The following RBMS3 variants were observed in gnomAD, a reference collection of about 807,000 sequenced individuals.
The protein encoded by RBMS3 is RNA-binding motif, single-stranded-interacting protein 3.
A neutral mutation model predicts 66.8 loss-of-function variants in RBMS3; 27 were observed. The observed-to-expected ratio is 0.40, with a 90% CI of 0.30 to 0.56. The LOEUF (loss-of-function observed/expected upper bound fraction) is 0.56. RBMS3 is among the 20% of genes least tolerant of loss of function. The pLI is 0.40. For missense variants in RBMS3, 513 were observed against 549.5 expected (o/e 0.93, Z 0.66); for synonymous variants, 188 against 183.0 (o/e 1.03, Z -0.22).
chr3:29,823,380 A>C (rs1295896117), intron 6 of RBMS3, among the ~76,000 whole-genome samples: 1 of 152,174 alleles, frequency 6.6e-6, no homozygotes, highest in African/African-American at 2.4e-5. Flanking sequence ...TGTGAGATTC[A>C]CCCATACTAA....
chr3:29,702,880 G>A (rs1474619163), intron 4 of RBMS3, among the ~76,000 whole-genome samples: 1 of 152,112 alleles, frequency 6.6e-6, no homozygotes, highest in Non-Finnish European at 1.5e-5. Context: ...GAGGGTCCGC[G>A]GCTTCATTCT....
intron 10 of RBMS3, among the ~76,000 whole-genome samples, chr3:29,900,898 C>T (rs188089914): frequency 1.3e-5 from 2 of 151,784 alleles, no homozygotes; most frequent in East Asian, 2.0e-4. Flanking sequence ...GAGCTAAATA[C>T]GCAGACATCC....
chr3:29,558,125 A>G (rs1303181238), intron 3 of RBMS3, among the ~76,000 whole-genome samples: 1 of 152,180 alleles, frequency 6.6e-6, no homozygotes, highest in Admixed American at 6.5e-5. Flanking sequence ...ATTCAAAATT[A>G]AAACCATTTT....
chr3:29,485,962 T>A (rs1489396525), intron 2 of RBMS3, among the ~76,000 whole-genome samples: 1 of 152,062 alleles, frequency 6.6e-6, no homozygotes, highest in Non-Finnish European at 1.5e-5. Flanking sequence ...AAGGCATACT[T>A]TTTTACTTCA....
intron 6 of RBMS3, among the ~76,000 whole-genome samples, chr3:29,852,383 A>C (rs953416204): frequency 7.9e-5 from 12 of 152,246 alleles, no homozygotes; most frequent in Admixed American, 5.9e-4. Context: ...GACAACCTAC[A>C]GAATAGGAGA....
At chr3:29,430,967 C>T (rs886861537) in intron 1 of RBMS3, among the ~76,000 whole-genome samples, 4 of 152,138 alleles carry the variant, frequency 2.6e-5, no homozygotes, top group East Asian at 1.9e-4. Flanking sequence ...GAAGCCACCT[C>T]GGCAAGCATG....
At chr3:29,907,774 A>T (rs1416709986) in intron 10 of RBMS3, among the ~76,000 whole-genome samples, 1 of 152,108 alleles carries the variant, frequency 6.6e-6, no homozygotes, top group African/African-American at 2.4e-5. Context: ...TAATTGCAGA[A>T]ACAATTTTAA....
chr3:29,532,527 C>A (rs1254687585), intron 3 of RBMS3, among the ~76,000 whole-genome samples: 2 of 151,468 alleles, frequency 1.3e-5, no homozygotes, highest in South Asian at 2.1e-4. Flanking sequence ...TGTGCAAGAC[C>A]AGCCTGCAAA....
intron 3 of RBMS3, among the ~76,000 whole-genome samples, chr3:29,494,044 T>C (rs970630729): frequency 1.6e-4 from 25 of 152,216 alleles, no homozygotes. Context: ...ACTGAAGGAT[T>C]TGTTTATTTT....
At chr3:29,597,243 A>C (rs535381479) in intron 4 of RBMS3, among the ~76,000 whole-genome samples, 1 of 152,324 alleles carries the variant, frequency 6.6e-6, no homozygotes, top group Non-Finnish European at 1.5e-5. Flanking sequence ...TCCATGGAAT[A>C]ACACAATAAC....
At chr3:29,779,180 G>T (rs547195648) in intron 6 of RBMS3, among the ~76,000 whole-genome samples, 1 of 151,718 alleles carries the variant, frequency 6.6e-6, no homozygotes, top group East Asian at 1.9e-4. Context: ...TGGTTCTTTT[G>T]TTTTAAAGGA....
chr3:29,993,438 TTGAC>T (rs1699012353), intron 14 of RBMS3, among the ~76,000 whole-genome samples: 1 of 152,138 alleles, frequency 6.6e-6, no homozygotes, highest in South Asian at 2.1e-4. Flanking sequence ...ATGTGACCAT[TTGAC>T]TGAGCCACAG....
intron 1 of RBMS3, among the ~76,000 whole-genome samples, chr3:29,412,322 T>C (rs986564609): frequency 1.3e-5 from 2 of 152,212 alleles, no homozygotes; most frequent in Admixed American, 1.3e-4. Context: ...TGGTTTTGTC[T>C]GTAAGCAGTA....
chr3:29,337,781 A>G (rs950539043), intron 1 of RBMS3, among the ~76,000 whole-genome samples: 1 of 152,206 alleles, frequency 6.6e-6, no homozygotes, highest in South Asian at 2.1e-4. Flanking sequence ...CAAATAAAAA[A>G]CAACCTTACA....
At chr3:29,956,997 A>C (rs1431615920) in intron 12 of RBMS3, among the ~76,000 whole-genome samples, 1 of 152,132 alleles carries the variant, frequency 6.6e-6, no homozygotes, top group African/African-American at 2.4e-5. Context: ...AAGTGGGAGT[A>C]GATAAACATG....
At chr3:29,470,393 A>G (rs1321768873) in intron 2 of RBMS3, among the ~76,000 whole-genome samples, 2 of 152,068 alleles carry the variant, frequency 1.3e-5, no homozygotes, top group African/African-American at 4.8e-5. Context: ...ACATGTAGTG[A>G]ATGAATTCTT....
intron 9 of RBMS3, 70 bp from the exon 10 acceptor site, chr3:29,899,635 C>A: frequency 1.4e-6 from 2 of 1,402,216 alleles, no homozygotes; most frequent in Non-Finnish European, 1.0e-6. Flanking sequence ...CCTAGTGTGA[C>A]TCCACTGAAC....
At chr3:29,704,601 A>T (rs1272136994) in intron 4 of RBMS3, among the ~76,000 whole-genome samples, 1 of 152,198 alleles carries the variant, frequency 6.6e-6, no homozygotes, top group Non-Finnish European at 1.5e-5. Flanking sequence ...GATAAAATAC[A>T]TGTAAAGTAG....
chr3:29,534,236 C>G (rs1304558625), intron 3 of RBMS3, among the ~76,000 whole-genome samples: 1 of 152,178 alleles, frequency 6.6e-6, no homozygotes, highest in Non-Finnish European at 1.5e-5. Flanking sequence ...CTGAGCTAAG[C>G]CTTTACTACC....
Sources: gnomAD v4.1 joint callset for allele counts (sites outside exome capture counted in the v4.1 genomes callset) on GRCh38, gnomAD v4.1.1 for gene constraint, MANE v1.5 for transcripts, NCBI Gene and HGNC (gene_info 2026-07-23, HGNC 2026-07-21) for gene names.